SKAP1: variants seen among roughly 807,000 people sequenced by gnomAD.
SKAP1 encodes src kinase associated phosphoprotein 1.
In SKAP1, 44 loss-of-function variants were observed where a neutral mutation model predicts 58.5. That is an observed-to-expected ratio of 0.75 (90% CI 0.59 to 0.97). SKAP1 has a LOEUF of 0.97. Ranked by LOEUF, SKAP1 falls within the 50% of genes least tolerant of loss-of-function variation. The pLI is 0.00. For missense variants in SKAP1, 390 were observed against 435.2 expected, an observed-to-expected ratio of 0.90 and a Z score of 0.92; for synonymous variants, 127 against 149.7, an observed-to-expected ratio of 0.85 and a Z score of 1.11.
At chr17:48,270,908 A>G (rs1216287963) in intron 4 of SKAP1, among the ~76,000 whole-genome samples, 1 of 143,032 alleles carries the variant, frequency 7.0e-6, no homozygotes, top group African/African-American at 2.6e-5. Context: ...GTACAAATGA[A>G]TTTGGAAGTG....
intron 1 of SKAP1, among the ~76,000 whole-genome samples, chr17:48,429,637 C>A (rs1000937284): frequency 6.6e-6 from 1 of 152,120 alleles, no homozygotes; most frequent in Non-Finnish European, 1.5e-5. Flanking sequence ...CTCGCAGCCC[C>A]CTGGAGAGCC....
intron 10 of SKAP1, among the ~76,000 whole-genome samples, chr17:48,168,778 C>T (rs896279744): frequency 6.6e-6 from 1 of 152,152 alleles, no homozygotes; most frequent in African/African-American, 2.4e-5. Context: ...TTTTAAATGC[C>T]TTCACTGGGG....
At chr17:48,297,597 A>G (rs1027735421) in intron 4 of SKAP1, among the ~76,000 whole-genome samples, 2 of 152,326 alleles carry the variant, frequency 1.3e-5, no homozygotes, top group South Asian at 2.1e-4. Context: ...AGTCTCATCA[A>G]TGATTAAAAA....
intron 1 of SKAP1, among the ~76,000 whole-genome samples, chr17:48,419,434 G>A (rs1159846772): frequency 2.0e-5 from 3 of 151,880 alleles, no homozygotes; most frequent in East Asian, 3.9e-4. Flanking sequence ...ACAGGCATGC[G>A]CCACCACACC....
chr17:48,416,130 T>A (rs1238036134), intron 1 of SKAP1, among the ~76,000 whole-genome samples: 1 of 152,232 alleles, frequency 6.6e-6, no homozygotes, highest in East Asian at 1.9e-4. Context: ...GAAAATAATC[T>A]ATGTATTGAC....
At chr17:48,342,558 C>G (rs1299911375) in intron 4 of SKAP1, among the ~76,000 whole-genome samples, 5 of 152,066 alleles carry the variant, frequency 3.3e-5, no homozygotes, top group Non-Finnish European at 2.9e-5. Flanking sequence ...GTTACTGCCC[C>G]TCATCACTAA....
chr17:48,216,626 C>T (rs530808405), intron 4 of SKAP1, among the ~76,000 whole-genome samples: 1 of 151,776 alleles, frequency 6.6e-6, no homozygotes, highest in African/African-American at 2.4e-5. Flanking sequence ...AGAGTAGCTG[C>T]GACTACAGGT....
chr17:48,386,306 CTT>C (rs201047932), intron 2 of SKAP1, among the ~76,000 whole-genome samples: 92 of 127,242 alleles, frequency 7.2e-4, no homozygotes, highest in Middle Eastern at 4.0e-3. Context: ...CATGCTAGAC[CTT>C]TTTTTTTTTT....
chr17:48,182,730 G>T (rs1237117684), intron 7 of SKAP1, among the ~76,000 whole-genome samples: 1 of 152,100 alleles, frequency 6.6e-6, no homozygotes, highest in Non-Finnish European at 1.5e-5. Context: ...TCCTTCATCA[G>T]ACATTTATTT....
chr17:48,146,007 C>T (rs1339781227), intron 11 of SKAP1, among the ~76,000 whole-genome samples: 1 of 152,082 alleles, frequency 6.6e-6, no homozygotes, highest in African/African-American at 2.4e-5. Context: ...TGCATGTGTA[C>T]GTAGGCCTCG....
chr17:48,419,885 A>G (rs1905779232), intron 1 of SKAP1, among the ~76,000 whole-genome samples: 1 of 152,192 alleles, frequency 6.6e-6, no homozygotes, highest in African/African-American at 2.4e-5. Context: ...ATAATTCACA[A>G]ATGATTTTAT....
At chr17:48,191,922 C>T (rs1395000231) in intron 4 of SKAP1, among the ~76,000 whole-genome samples, 1 of 152,112 alleles carries the variant, frequency 6.6e-6, no homozygotes, top group Non-Finnish European at 1.5e-5. Flanking sequence ...CTGAAAACAC[C>T]CTCCAAGGAA....
chr17:48,371,322 G>A (rs1410596677), intron 2 of SKAP1, among the ~76,000 whole-genome samples: 1 of 152,086 alleles, frequency 6.6e-6, no homozygotes, highest in Non-Finnish European at 1.5e-5. Context: ...AGAAAACATT[G>A]TCAGGCTTCT....
chr17:48,248,197 GTCT>G (rs1567837301), intron 4 of SKAP1, among the ~76,000 whole-genome samples: 1 of 152,174 alleles, frequency 6.6e-6, no homozygotes, highest in Admixed American at 6.5e-5. Flanking sequence ...GGAACAGGTA[GTCT>G]TCTTAGTTTT....
At chr17:48,205,851 T>C (rs932647146) in intron 4 of SKAP1, among the ~76,000 whole-genome samples, 4 of 152,074 alleles carry the variant, frequency 2.6e-5, no homozygotes, top group African/African-American at 9.7e-5. Context: ...TTTTCAGACA[T>C]TCAAAGTCTC....
intron 4 of SKAP1, among the ~76,000 whole-genome samples, chr17:48,218,622 C>T (rs185367072): frequency 1.1e-4 from 16 of 152,250 alleles, no homozygotes; most frequent in Non-Finnish European, 2.1e-4. Context: ...GATGAAAATG[C>T]AAAGAATTAG....
At chr17:48,141,456 G>T (rs1159160253) in intron 11 of SKAP1, among the ~76,000 whole-genome samples, 1 of 151,988 alleles carries the variant, frequency 6.6e-6, no homozygotes, top group East Asian at 1.9e-4. Context: ...TCAGCTCACT[G>T]CAACCTCTGC....
chr17:48,293,393 C>A (rs905436082), intron 4 of SKAP1, among the ~76,000 whole-genome samples: 14 of 152,050 alleles, frequency 9.2e-5, no homozygotes, highest in Admixed American at 5.2e-4. Context: ...ATTCAGTAAG[C>A]CTTCTAAACA....
At chr17:48,433,326 A>G (rs1282955895), upstream of SKAP1, among the ~76,000 whole-genome samples, 1 of 152,222 alleles carries the variant, frequency 6.6e-6, no homozygotes, top group Non-Finnish European at 1.5e-5. Flanking sequence ...GTTCTGTCAG[A>G]AATATCAAAG....
Sources: allele counts gnomAD v4.1 joint callset (sites outside exome capture counted in the v4.1 genomes callset), GRCh38; gene constraint gnomAD v4.1.1; transcripts MANE v1.5; gene names NCBI Gene and HGNC (gene_info 2026-07-23, HGNC 2026-07-21).